PCDHGA5: variants seen among roughly 807,000 people sequenced by gnomAD.
PCDHGA5 encodes the protein protocadherin gamma subfamily A, 5, also known as protocadherin gamma-A5.
A neutral mutation model predicts 56.7 loss-of-function variants in PCDHGA5; 36 were observed. That is an observed-to-expected ratio of 0.64 (90% CI 0.49 to 0.84). The LOEUF is 0.84. Ranked by LOEUF, PCDHGA5 falls within the 40% of genes least tolerant of loss-of-function variation. The probability of loss-of-function intolerance (pLI) is 0.00; values close to 1 mark genes in which losing one functional copy is unlikely to be tolerated. For synonymous variants in PCDHGA5, 563 were observed against 520.2 expected (o/e 1.08, Z -1.12); for missense variants, 1,305 against 1,201.5 (o/e 1.09, Z -1.27).
intron 1 of PCDHGA5, chr5:141,427,676 T>G: frequency 1.2e-6 from 1 of 813,766 alleles, no homozygotes; most frequent in Non-Finnish European, 2.1e-6. Flanking sequence ...AAAACAACCT[T>G]CCCGGAGCCT....
rs190948188 is a variant in PCDHGA5 at position 141,505,972 on chromosome 5, C to T, written c.2569+491C>T. Among the ~76,000 whole-genome samples the T allele has an allele frequency of 5.4e-4, 82 of 152,250 alleles. 1 individual carries two copies. The highest frequency in any genetic ancestry group is 1.9e-3 in the African/African-American group (79 of 41,558). ...GAAAGTGGGTGTAGAAATCCCCAGC[C>T]GAGAGAACACCTCCTCTTTATGCGA... On this transcript the variant is annotated intron_variant, in intron 3 of 3. Transcript: ENST00000518069.
intron 1 of PCDHGA5, among the ~76,000 whole-genome samples, chr5:141,455,902 TA>T (rs2098836291): frequency 6.7e-6 from 1 of 149,860 alleles, no homozygotes. Context: ...TTTATTTATT[TA>T]TTTATTTATT....
chr5:141,378,080 AT>A (rs1360120738), intron 1 of PCDHGA5: 30 of 152,322 alleles, frequency 2.0e-4, no homozygotes, highest in African/African-American at 7.2e-4. Flanking sequence ...AAATAATTTT[AT>A]AACTTTTTTT....
chr5:141,477,224 G>C lies in PCDHGA5; in HGVS notation c.2422-17583G>C. 6.2e-7 allele frequency: 1 copy of C among 1,614,200 alleles called. No individual in the cohort carries two copies. The highest frequency in any genetic ancestry group is 8.5e-7 in the Non-Finnish European group (1 of 1,180,046). Reference sequence around the variant, plus strand: ...ACCCGAGGATGCCCCTCTGGGGACTGTCATCGCTTTGCTCAGTGTGACTGA... The same window carrying C: ...ACCCGAGGATGCCCCTCTGGGGACTCTCATCGCTTTGCTCAGTGTGACTGA... On this transcript the variant is annotated intron_variant, in intron 1 of 3. Transcript: ENST00000518069. The surrounding 1 kb of genome is among the most constrained non-coding windows in gnomAD (Gnocchi z 4.9).
rs2099427993 is a variant in PCDHGA5, at chr5:141,477,978, T to C, written c.2422-16829T>C. Reference sequence around the variant, plus strand: ...TCCCCTAACCAGAGCCTTTTTGCCATAGGGCTGCACACTGGTCAAATCAGT... The same window carrying C: ...TCCCCTAACCAGAGCCTTTTTGCCACAGGGCTGCACACTGGTCAAATCAGT... On this transcript the variant is annotated intron_variant, in intron 1 of 3. Coordinates refer to ENST00000518069, the MANE Select transcript of PCDHGA5 (RefSeq NM_018918.3). This position sits in a 1 kb window ranked among gnomAD's most constrained non-coding sequence, Gnocchi z 4.9. 6.2e-7 allele frequency: 1 copy of C among 1,614,120 alleles called. No individual in the cohort carries two copies. Among genetic ancestry groups the C allele is most frequent in the Non-Finnish European group, 8.5e-7 (1 of 1,180,022 alleles).
At chr5:141,429,445 G>C (rs2097215795) in intron 1 of PCDHGA5, among the ~76,000 whole-genome samples, 1 of 151,758 alleles carries the variant, frequency 6.6e-6, no homozygotes, top group Admixed American at 6.6e-5. Context: ...AAACTCTTGG[G>C]CTACAGTAAT....
At chr5:141,478,247 G>C (rs1377698933) in intron 1 of PCDHGA5, 1 of 1,613,956 alleles carries the variant, frequency 6.2e-7, no homozygotes, top group Non-Finnish European at 8.5e-7. Context: ...CACAGTGTTC[G>C]GAGTAATCAT....
In PCDHGA5 at chr5:141,504,261, A is replaced by AT. The variant is rs144925096; in HGVS notation, c.2481-1125dup. Among the ~76,000 whole-genome samples the AT allele has an allele frequency of 3.8e-3, 573 of 152,258 alleles. 3 individuals are homozygous for AT. The highest frequency in any genetic ancestry group is 0.012 in the African/African-American group (514 of 41,556). ...CAGAGAGTTCTTCTTATGGTTTAGT[A>AT]TTTTTTTAAATTATGAATCATTTCA... On this transcript the variant is annotated intron_variant, in intron 2 of 3. Transcript: ENST00000518069.
At chr5:141,421,305 G>A in intron 1 of PCDHGA5, 23 of 1,613,652 alleles carry the variant, frequency 1.4e-5, no homozygotes, top group Non-Finnish European at 1.9e-5. Context: ...CGCTGCGGGG[G>A]TTCCGGGCCA....
intron 1 of PCDHGA5, chr5:141,478,679 C>T (rs1247027395): frequency 3.2e-6 from 5 of 1,551,382 alleles, no homozygotes; most frequent in East Asian, 2.4e-5. Flanking sequence ...TCAACTGGCC[C>T]TTCCTAGATC....
At chr5:141,437,497 T>A (rs2097889891) in intron 1 of PCDHGA5, among the ~76,000 whole-genome samples, 1 of 152,190 alleles carries the variant, frequency 6.6e-6, no homozygotes, top group Non-Finnish European at 1.5e-5. Flanking sequence ...TAGATCACTT[T>A]TCAATGAATT....
rs1176011355 is a variant in PCDHGA5 at position 141,485,491 on chromosome 5, G to A, written c.2422-9316G>A. The A allele has an allele frequency of 1.2e-6, 2 of 1,614,142 alleles. No individual in the cohort carries two copies. Among genetic ancestry groups the A allele is most frequent in the Non-Finnish European group, 1.7e-6 (2 of 1,180,040 alleles). On this transcript the variant is annotated intron_variant, in intron 1 of 3. Transcript: ENST00000518069. This position sits in a 1 kb window ranked among gnomAD's most constrained non-coding sequence, Gnocchi z 5.7. ...TCAGTGCCAGCTGCATCGTGCCCCT[G>A]GAGTTTGTCACCGAAGGTCCTTTGG...
intron 1 of PCDHGA5, among the ~76,000 whole-genome samples, chr5:141,449,909 A>G (rs2098658849): frequency 6.6e-6 from 1 of 151,828 alleles, no homozygotes; most frequent in Non-Finnish European, 1.5e-5. Context: ...TATAGTCCAT[A>G]TTTAAATTCT....
In PCDHGA5 at chr5:141,491,491, G is replaced by C. The variant is rs2099717103; in HGVS notation, c.2422-3316G>C. The C allele has an allele frequency of 1.2e-6, 2 of 1,614,042 alleles. No homozygotes were observed. The highest frequency in any genetic ancestry group is 1.7e-5 in the Admixed American group (1 of 60,016). The stretch of plus-strand genomic sequence containing the variant: ...TAAGCAGTCCAGCCCCAACCTGCAG[G>C]TGAGCTCGGACGGCACGCTCAAGTA... On this transcript the variant is annotated intron_variant, in intron 1 of 3. Transcript: ENST00000518069. The surrounding 1 kb of genome is among the most constrained non-coding windows in gnomAD (Gnocchi z 6.9).
chr5:141,372,138 G>A, intron 1 of PCDHGA5: 1 of 1,613,746 alleles, frequency 6.2e-7, no homozygotes, highest in Non-Finnish European at 8.5e-7. Context: ...GCCGCGCTCT[G>A]CAGAGCCTGG....
At chr5:141,500,223 T>G (rs1034982746) in intron 2 of PCDHGA5, among the ~76,000 whole-genome samples, 16 of 145,318 alleles carry the variant, frequency 1.1e-4, no homozygotes, top group African/African-American at 3.4e-4. Context: ...TTTATTTATT[T>G]ATTGATACGT....
chr5:141,402,843 G>C (rs1370040306), intron 1 of PCDHGA5: 5 of 1,399,114 alleles, frequency 3.6e-6, no homozygotes, highest in Non-Finnish European at 4.7e-6. Flanking sequence ...GCAAAACTCA[G>C]CCTCTTTCTT....
intron 1 of PCDHGA5, chr5:141,410,181 T>C: frequency 6.2e-7 from 1 of 1,613,814 alleles, no homozygotes; most frequent in South Asian, 1.1e-5. Context: ...ACCGCCACGC[T>C]TCATCTGGTC....
At chr5:141,389,426 G>C (rs868246317) in intron 1 of PCDHGA5, 1 of 1,613,498 alleles carries the variant, frequency 6.2e-7, no homozygotes, top group Non-Finnish European at 8.5e-7. Context: ...TGGTGTTCGC[G>C]CAGCGCGCCT....
Sources: gnomAD v4.1 joint callset for allele counts (sites outside exome capture counted in the v4.1 genomes callset) on GRCh38, gnomAD v4.1.1 for gene constraint, Gnocchi (gnomAD v3.1) non-coding constraint, MANE v1.5 for transcripts, NCBI Gene and HGNC (gene_info 2026-07-23, HGNC 2026-07-21) for gene names.